The following FGF12 variants were observed in gnomAD, a reference collection of about 807,000 sequenced individuals.
FGF12 encodes fibroblast growth factor 12.
Under a neutral mutation model 23.6 loss-of-function variants are expected in FGF12, and 14 were observed. The ratio of observed to expected loss-of-function variants is 0.59; its 90% CI spans 0.39 to 0.93. The LOEUF is 0.93. Among genes scored for constraint, FGF12 ranks in the 40% least tolerant of loss-of-function variants. The probability of loss-of-function intolerance (pLI) is 0.00; values close to 1 mark genes in which losing one functional copy is unlikely to be tolerated. For synonymous variants in FGF12, 62 were observed against 77.3 expected (o/e 0.80, Z 1.04); for missense variants, 175 against 217.8 (o/e 0.80, Z 1.24).
intron 4 of FGF12, among the ~76,000 whole-genome samples, chr3:192,268,906 T>C (rs1484123650): frequency 6.6e-6 from 1 of 152,152 alleles, no homozygotes; most frequent in Non-Finnish European, 1.5e-5. Flanking sequence ...TTTTTATTTA[T>C]TTATTTTTTG....
At chr3:192,504,329 CT>C (rs1724230647) in intron 2 of FGF12, among the ~76,000 whole-genome samples, 1 of 152,048 alleles carries the variant, frequency 6.6e-6, no homozygotes, top group South Asian at 2.1e-4. Context: ...ACATGTACCC[CT>C]GAACCTAAAA....
chr3:192,226,323 A>T (rs1304461764), intron 4 of FGF12, among the ~76,000 whole-genome samples: 2 of 152,190 alleles, frequency 1.3e-5, no homozygotes, highest in Non-Finnish European at 2.9e-5. Flanking sequence ...AATGCCCAGT[A>T]AAAAAGCAAA....
At chr3:192,613,696 A>G (rs1714640236) in intron 2 of FGF12, among the ~76,000 whole-genome samples, 1 of 151,912 alleles carries the variant, frequency 6.6e-6, no homozygotes, top group Non-Finnish European at 1.5e-5. Flanking sequence ...GAGAAGTCAA[A>G]GGTGAATGAT....
At chr3:192,363,315 T>G (rs1176763469) in intron 2 of FGF12, among the ~76,000 whole-genome samples, 1 of 152,052 alleles carries the variant, frequency 6.6e-6, no homozygotes, top group Admixed American at 6.6e-5. Flanking sequence ...CTGTGAATGA[T>G]TGTTTGTTTT....
At chr3:192,468,387 G>A (rs1421118923) in intron 2 of FGF12, among the ~76,000 whole-genome samples, 1 of 152,104 alleles carries the variant, frequency 6.6e-6, no homozygotes, top group East Asian at 1.9e-4. Context: ...TGCATTTGTT[G>A]TCATTTCTCC....
chr3:192,157,340 CTG>C lies in FGF12; in HGVS notation c.427+13116_427+13117del, dbSNP rs149379576. ...AGAACAGGACCATAATATATTGACT[CTG>C]TGATGATATATGGTATTTGTTCTAT... is the stretch of plus-strand genomic sequence containing the variant. On this transcript the variant is annotated intron_variant, in intron 5 of 5. Coordinates refer to ENST00000445105, the MANE Select transcript of FGF12 (RefSeq NM_004113.6). Among the ~76,000 whole-genome samples, 531 of 152,314 alleles carry C rather than the reference CTG, an allele frequency of 3.5e-3. 6 individuals are homozygous for C. Among genetic ancestry groups the C allele is most frequent in the African/African-American group, 9.8e-3 (408 of 41,566 alleles).
At chr3:192,305,109 G>A (rs1323403581) in intron 4 of FGF12, among the ~76,000 whole-genome samples, 1 of 152,110 alleles carries the variant, frequency 6.6e-6, no homozygotes, top group African/African-American at 2.4e-5. Context: ...GATGGAAACA[G>A]AAGAAAGAAA....
intron 4 of FGF12, among the ~76,000 whole-genome samples, chr3:192,272,876 CACA>C (rs1377364495): frequency 9.9e-5 from 15 of 152,204 alleles, no homozygotes; most frequent in Non-Finnish European, 2.2e-4. Context: ...CCATCACTTA[CACA>C]ACCTGTTTTA....
chr3:192,222,781 T>C lies in FGF12; in HGVS notation c.229-52125A>G, dbSNP rs758844634. Among the ~76,000 whole-genome samples, 3 of 152,268 alleles carry C rather than the reference T, an allele frequency of 2.0e-5. No individual in the cohort carries two copies. In the Middle Eastern group the frequency reaches 0.01, roughly 518 times the overall value. ...GGTAAATCTATTCCATCAAAAAATATGGCCATGAGTTTCACCAAACCGAGT... is the reference window on the plus strand; with the variant it reads ...GGTAAATCTATTCCATCAAAAAATACGGCCATGAGTTTCACCAAACCGAGT... On this transcript the variant is annotated intron_variant, in intron 4 of 5. Transcript: ENST00000445105.
chr3:192,688,349 A>G (rs1560195008), intron 2 of FGF12, among the ~76,000 whole-genome samples: 1 of 151,960 alleles, frequency 6.6e-6, no homozygotes, highest in African/African-American at 2.4e-5. Context: ...GCATCCCTCT[A>G]TAACCACCCC....
At chr3:192,671,912 A>G (rs748899530) in intron 2 of FGF12, among the ~76,000 whole-genome samples, 57 of 152,192 alleles carry the variant, frequency 3.7e-4, no homozygotes, top group Non-Finnish European at 3.5e-4. Flanking sequence ...GGAATAAATA[A>G]TTTTTCATAA....
intron 2 of FGF12, among the ~76,000 whole-genome samples, chr3:192,609,110 C>G (rs1025506642): frequency 6.6e-6 from 1 of 152,080 alleles, no homozygotes; most frequent in African/African-American, 2.4e-5. Flanking sequence ...GGGGGTTCAA[C>G]AGGTCAAATA....
At chr3:192,283,335 T>C (rs976192053) in intron 4 of FGF12, among the ~76,000 whole-genome samples, 5 of 152,098 alleles carry the variant, frequency 3.3e-5, no homozygotes, top group African/African-American at 1.2e-4. Flanking sequence ...GTGATTCACC[T>C]TGTTTTCTTT....
chr3:192,499,773 C>A (rs1724077567), intron 2 of FGF12, among the ~76,000 whole-genome samples: 1 of 151,336 alleles, frequency 6.6e-6, no homozygotes, highest in African/African-American at 2.4e-5. Context: ...TGGTCTCAAT[C>A]TCCTGACCTT....
chr3:192,362,272 T>G (rs531683354), intron 2 of FGF12, among the ~76,000 whole-genome samples: 30 of 152,294 alleles, frequency 2.0e-4, no homozygotes, highest in African/African-American at 7.0e-4. Context: ...AGTTCTAGGG[T>G]ACATGAGCAC....
At chr3:192,518,309 C>A (rs1577032608) in intron 2 of FGF12, among the ~76,000 whole-genome samples, 1 of 152,068 alleles carries the variant, frequency 6.6e-6, no homozygotes, top group Admixed American at 6.5e-5. Flanking sequence ...ATTAGGAATT[C>A]TGGTATATAA....
intron 2 of FGF12, among the ~76,000 whole-genome samples, chr3:192,673,545 G>T (rs1000364635): frequency 1.3e-5 from 2 of 150,290 alleles, no homozygotes; most frequent in Admixed American, 6.7e-5. Flanking sequence ...CCCTCCTCCT[G>T]CCCCCCTGAC....
intron 2 of FGF12, among the ~76,000 whole-genome samples, chr3:192,625,180 G>A (rs1715123538): frequency 2.0e-5 from 3 of 152,054 alleles, no homozygotes; most frequent in Admixed American, 6.6e-5. Flanking sequence ...GATATCTGAG[G>A]TAAATTTCTG....
intron 4 of FGF12, among the ~76,000 whole-genome samples, chr3:192,318,005 T>C (rs557937820): frequency 2.8e-4 from 42 of 152,256 alleles, no homozygotes; most frequent in African/African-American, 9.6e-4. Context: ...CTCTTGTGAG[T>C]CTACAAGACC....
Sources: allele counts gnomAD v4.1 joint callset (sites outside exome capture counted in the v4.1 genomes callset), GRCh38; gene constraint gnomAD v4.1.1; transcripts MANE v1.5; gene names NCBI Gene and HGNC (gene_info 2026-07-23, HGNC 2026-07-21).